The following PLA2G4A variants were observed in gnomAD, a reference collection of about 807,000 sequenced individuals.
The protein encoded by PLA2G4A is phospholipase A2 group IVA, also known as cytosolic phospholipase A2.
PLA2G4A carries 40 observed loss-of-function variants against 81.9 expected under a neutral mutation model. That is an observed-to-expected ratio of 0.49 (90% CI 0.38 to 0.64). The LOEUF is 0.64. PLA2G4A is among the 30% of genes least tolerant of loss of function. The pLI is 0.00. For missense variants in PLA2G4A, 715 were observed against 905.1 expected, an observed-to-expected ratio of 0.79 and a Z score of 2.69; for synonymous variants, 302 against 296.9, an observed-to-expected ratio of 1.02 and a Z score of -0.18.
At chr1:186,857,993 A>G (rs1399721358) in intron 2 of PLA2G4A, among the ~76,000 whole-genome samples, 3 of 152,122 alleles carry the variant, frequency 2.0e-5, no homozygotes, top group Admixed American at 6.6e-5. Context: ...TTCTTAATCC[A>G]GTCTATCATT....
intron 12 of PLA2G4A, among the ~76,000 whole-genome samples, chr1:186,949,099 T>C (rs757155609): frequency 6.6e-6 from 1 of 152,064 alleles, no homozygotes; most frequent in Non-Finnish European, 1.5e-5. Flanking sequence ...ATGTGAAAAA[T>C]TTACACTTTT....
intron 3 of PLA2G4A, among the ~76,000 whole-genome samples, chr1:186,891,969 C>T (rs1253640986): frequency 6.6e-6 from 1 of 152,058 alleles, no homozygotes; most frequent in African/African-American, 2.4e-5. Flanking sequence ...TTGTTATTGC[C>T]TGGATATAAG....
intron 1 of PLA2G4A, among the ~76,000 whole-genome samples, chr1:186,851,422 A>G (rs1343148419): frequency 6.6e-6 from 1 of 152,028 alleles, no homozygotes; most frequent in African/African-American, 2.4e-5. Flanking sequence ...GATGGTAAAG[A>G]TGAAAATGAG....
chr1:186,848,387 A>G (rs1184513063), intron 1 of PLA2G4A, among the ~76,000 whole-genome samples: 1 of 152,038 alleles, frequency 6.6e-6, no homozygotes, highest in Non-Finnish European at 1.5e-5. Flanking sequence ...GGAGGGTTTG[A>G]CCATAGGCAG....
chr1:186,888,715 A>G (rs1654024669), intron 3 of PLA2G4A, among the ~76,000 whole-genome samples: 1 of 152,190 alleles, frequency 6.6e-6, no homozygotes, highest in Admixed American at 6.6e-5. Flanking sequence ...CCTGGCATAT[A>G]GTAGGCACTC....
chr1:186,935,011 TAACACTCCAA>T (rs1655890487), intron 8 of PLA2G4A, among the ~76,000 whole-genome samples: 1 of 151,888 alleles, frequency 6.6e-6, no homozygotes, highest in African/African-American at 2.4e-5. Flanking sequence ...TGGAACCCTG[TAACACTCCAA>T]AACTTCATAG....
chr1:186,983,454 C>T (rs1657794291), intron 17 of PLA2G4A, among the ~76,000 whole-genome samples: 2 of 152,196 alleles, frequency 1.3e-5, no homozygotes, highest in Admixed American at 1.3e-4. Context: ...TCTGAAGAGG[C>T]CATGCTGTGT....
At chr1:186,959,569 C>T (rs1656876631) in intron 14 of PLA2G4A, among the ~76,000 whole-genome samples, 1 of 152,036 alleles carries the variant, frequency 6.6e-6, no homozygotes, top group Non-Finnish European at 1.5e-5. Context: ...TCAGTCAGTT[C>T]ACAGATTCAT....
intron 7 of PLA2G4A, among the ~76,000 whole-genome samples, chr1:186,915,980 G>T (rs554310294): frequency 6.6e-6 from 1 of 152,042 alleles, no homozygotes; most frequent in Non-Finnish European, 1.5e-5. Context: ...ACTAATTCTC[G>T]GGCTTTCCAT....
At chr1:186,871,200 C>T (rs756404902) in intron 3 of PLA2G4A, among the ~76,000 whole-genome samples, 5 of 152,094 alleles carry the variant, frequency 3.3e-5, no homozygotes, top group Non-Finnish European at 7.4e-5. Context: ...GATCCACAGC[C>T]TGAGGATAAT....
chr1:186,931,215 C>G (rs912014110), intron 7 of PLA2G4A, among the ~76,000 whole-genome samples: 1 of 152,090 alleles, frequency 6.6e-6, no homozygotes, highest in Non-Finnish European at 1.5e-5. Flanking sequence ...AACCCATATA[C>G]ATCTATATAA....
In PLA2G4A at chr1:186,864,715, C is replaced by T. The variant is rs1308870408; in HGVS notation, c.34-5720C>T. Among the ~76,000 whole-genome samples, 5 of 150,488 alleles carry T rather than the reference C, an allele frequency of 3.3e-5. No individual in the cohort carries two copies. In the East Asian group the frequency reaches 9.7e-4, roughly 29 times the overall value. ...TCCTTATATATTCTGGATACCAGTC[C>T]CTATACTCGTGATTAAAAGAGGACT... is the stretch of plus-strand genomic sequence containing the variant. On this transcript the variant is annotated intron_variant, in intron 2 of 17. Coordinates refer to ENST00000367466, the MANE Select transcript of PLA2G4A (RefSeq NM_024420.3).
chr1:186,939,237 T>G lies in PLA2G4A; in HGVS notation c.918+7T>G, dbSNP rs1309336035. The stretch of plus-strand genomic sequence containing the variant: ...AGAAACACTAATTCATAATGTAAGT[T>G]ACAGTTCAATCTACACTGCTTTTAT... On this transcript the variant is annotated splice_region_variant and intron_variant, in intron 9 of 17. Transcript: ENST00000367466. 7.8e-7 allele frequency: 1 copy of G among 1,278,924 alleles called. No individual in the cohort carries two copies. The allele number at this position is 1,278,924 out of a possible 1,614,324, so 79.2% of individuals were successfully genotyped here. A position where few individuals can be genotyped will look rare whatever the true frequency, so the allele number is the denominator to read the frequency against.
chr1:186,864,220 T>C (rs918988520), intron 2 of PLA2G4A, among the ~76,000 whole-genome samples: 1 of 152,226 alleles, frequency 6.6e-6, no homozygotes, highest in African/African-American at 2.4e-5. Flanking sequence ...CTTAGGTTGA[T>C]TCCACATCTT....
chr1:186,912,621 G>A (rs905278396), intron 7 of PLA2G4A, among the ~76,000 whole-genome samples: 1 of 150,488 alleles, frequency 6.6e-6, no homozygotes, highest in African/African-American at 2.5e-5. Context: ...TTTCCTCCAT[G>A]TCTTTTCATG....
At chr1:186,947,329 C>T (rs925332784) in intron 12 of PLA2G4A, among the ~76,000 whole-genome samples, 1 of 152,066 alleles carries the variant, frequency 6.6e-6, no homozygotes, top group Admixed American at 6.6e-5. Flanking sequence ...CAATGTAACA[C>T]TGAAGCTTAT....
chr1:186,941,680 C>G (rs1656160159), intron 10 of PLA2G4A, among the ~76,000 whole-genome samples: 3 of 152,168 alleles, frequency 2.0e-5, no homozygotes, highest in Admixed American at 1.3e-4. Context: ...TGATTACCGT[C>G]TATATAGATT....
At chr1:186,864,396 A>C (rs998307706) in intron 2 of PLA2G4A, among the ~76,000 whole-genome samples, 2 of 152,088 alleles carry the variant, frequency 1.3e-5, no homozygotes, top group Non-Finnish European at 2.9e-5. Context: ...CACAATGGCT[A>C]TACAAATTTA....
intron 5 of PLA2G4A, among the ~76,000 whole-genome samples, chr1:186,897,663 C>T (rs1654381099): frequency 6.6e-6 from 1 of 152,096 alleles, no homozygotes; most frequent in African/African-American, 2.4e-5. Context: ...CACGTGCCAT[C>T]ATGCCTGGCC....
Sources: allele counts gnomAD v4.1 joint callset (sites outside exome capture counted in the v4.1 genomes callset), GRCh38; gene constraint gnomAD v4.1.1; transcripts MANE v1.5; gene names NCBI Gene and HGNC (gene_info 2026-07-23, HGNC 2026-07-21).